The following EPHA7 variants were observed in gnomAD, a reference collection of about 807,000 sequenced individuals.
The protein encoded by EPHA7 is ephrin type-A receptor 7.
EPHA7 carries 25 observed loss-of-function variants against 112.6 expected under a neutral mutation model. The ratio of observed to expected loss-of-function variants is 0.22; its 90% confidence interval spans 0.16 to 0.31. The LOEUF (loss-of-function observed/expected upper bound fraction) is 0.31, where lower values mean the gene tolerates loss of function less well. Ranked by LOEUF, EPHA7 falls within the 10% of genes least tolerant of loss-of-function variation. The probability of loss-of-function intolerance (pLI) is 1.00; values close to 1 mark genes in which losing one functional copy is unlikely to be tolerated. For missense variants in EPHA7, 962 were observed against 1,212.6 expected, an observed-to-expected ratio of 0.79 and a Z score of 3.07; for synonymous variants, 437 against 406.5, an observed-to-expected ratio of 1.07 and a Z score of -0.90.
intron 14 of EPHA7, among the ~76,000 whole-genome samples, chr6:93,251,435 TA>T (rs1437044117): frequency 6.6e-6 from 1 of 151,834 alleles, no homozygotes; most frequent in African/African-American, 2.4e-5. Flanking sequence ...ATTAACAATT[TA>T]CTGGCCTAGT....
intron 3 of EPHA7, 62 bp from the exon 4 acceptor site, chr6:93,358,473 TTGTA>T: frequency 7.2e-7 from 1 of 1,384,006 alleles, no homozygotes; most frequent in East Asian, 2.4e-5. Context: ...TAAAAAAAAA[TTGTA>T]TTATTTAGCA....
At chr6:93,394,534 T>G (rs562928960) in intron 3 of EPHA7, among the ~76,000 whole-genome samples, 27 of 151,738 alleles carry the variant, frequency 1.8e-4, no homozygotes, top group Non-Finnish European at 3.7e-4. Flanking sequence ...AGGAGGAAAC[T>G]ATGTAAGATC....
At chr6:93,340,910 T>A (rs964108894) in intron 5 of EPHA7, among the ~76,000 whole-genome samples, 1 of 151,900 alleles carries the variant, frequency 6.6e-6, no homozygotes. Flanking sequence ...GCCATCACAA[T>A]CTATGGCCTT....
intron 9 of EPHA7, 47 bp from the exon 10 acceptor site, chr6:93,259,526 T>C: frequency 1.2e-6 from 2 of 1,604,388 alleles, no homozygotes; most frequent in Non-Finnish European, 1.7e-6. Context: ...AAAGCACTTA[T>C]TGTGCAGTCA....
At chr6:93,312,523 A>T (rs536250418) in intron 5 of EPHA7, among the ~76,000 whole-genome samples, 1 of 152,160 alleles carries the variant, frequency 6.6e-6, no homozygotes, top group Admixed American at 6.5e-5. Context: ...TCTTGATTAT[A>T]TTTTGGACTA....
At chr6:93,387,633 C>A (rs1426509651) in intron 3 of EPHA7, among the ~76,000 whole-genome samples, 3 of 152,076 alleles carry the variant, frequency 2.0e-5, no homozygotes, top group Admixed American at 6.6e-5. Flanking sequence ...AATTCACTCA[C>A]AATTACGCAT....
At chr6:93,358,226 A>T (rs764276608) in intron 4 of EPHA7, 30 bp downstream of exon 4, 1 of 1,554,794 alleles carries the variant, frequency 6.4e-7, no homozygotes, top group South Asian at 1.2e-5. Flanking sequence ...AAGGGATTGG[A>T]AAGTCCTTTA....
chr6:93,358,113 T>G, intron 4 of EPHA7, 143 bp downstream of exon 4: 4 of 590,706 alleles, frequency 6.8e-6, no homozygotes, highest in Non-Finnish European at 9.4e-6. Flanking sequence ...AAAGAAAATT[T>G]TATCTTAATA....
intron 5 of EPHA7, 143 bp from the exon 6 acceptor site, chr6:93,272,565 T>G: frequency 1.1e-6 from 1 of 916,556 alleles, no homozygotes; most frequent in Non-Finnish European, 1.6e-6. Flanking sequence ...ATTCAGAAGC[T>G]AATGAATATT....
intron 6 of EPHA7, among the ~76,000 whole-genome samples, chr6:93,271,506 CA>C (rs1771216103): frequency 6.6e-6 from 1 of 151,784 alleles, no homozygotes; most frequent in Non-Finnish European, 1.5e-5. Context: ...CAATGGTTTC[CA>C]CGTTTCAAAC....
intron 5 of EPHA7, among the ~76,000 whole-genome samples, chr6:93,294,273 A>G (rs913003848): frequency 1.3e-5 from 2 of 152,192 alleles, no homozygotes; most frequent in Non-Finnish European, 2.9e-5. Flanking sequence ...TGAATAGAAT[A>G]TACTAAAATA....
At chr6:93,295,973 T>A (rs1772640886) in intron 5 of EPHA7, among the ~76,000 whole-genome samples, 1 of 151,834 alleles carries the variant, frequency 6.6e-6, no homozygotes, top group African/African-American at 2.4e-5. Context: ...GGAAGTTATA[T>A]CATATTCATA....
chr6:93,247,099 C>T, intron 14 of EPHA7, 114 bp from the exon 15 acceptor site: 1 of 948,362 alleles, frequency 1.1e-6, no homozygotes. Context: ...CAATGCTTCA[C>T]AAAAGACTTA....
At chr6:93,367,996 A>G (rs1271613946) in intron 3 of EPHA7, among the ~76,000 whole-genome samples, 4 of 152,144 alleles carry the variant, frequency 2.6e-5, no homozygotes, top group Non-Finnish European at 5.9e-5. Context: ...CCCAGTATTC[A>G]TTCCTCGACC....
intron 5 of EPHA7, among the ~76,000 whole-genome samples, chr6:93,294,858 A>G (rs973467009): frequency 1.3e-5 from 2 of 152,094 alleles, no homozygotes; most frequent in Admixed American, 1.3e-4. Context: ...TTGCTTGTAT[A>G]TATTTTACTG....
chr6:93,385,946 T>G (rs1777580752), intron 3 of EPHA7, among the ~76,000 whole-genome samples: 1 of 152,076 alleles, frequency 6.6e-6, no homozygotes, highest in African/African-American at 2.4e-5. Context: ...TCAAGGAAAC[T>G]CCTTATAAAA....
chr6:93,373,993 T>C (rs185124170), intron 3 of EPHA7, among the ~76,000 whole-genome samples: 1 of 152,222 alleles, frequency 6.6e-6, no homozygotes, highest in Admixed American at 6.5e-5. Context: ...TAAAAATGTA[T>C]AACATGTCAG....
intron 5 of EPHA7, among the ~76,000 whole-genome samples, chr6:93,328,952 T>C (rs965784384): frequency 2.6e-5 from 4 of 151,448 alleles, no homozygotes; most frequent in African/African-American, 9.7e-5. Flanking sequence ...CAAGTCAAGG[T>C]CACATTTTGC....
intron 5 of EPHA7, among the ~76,000 whole-genome samples, chr6:93,289,037 G>T (rs1772217212): frequency 6.6e-6 from 1 of 152,098 alleles, no homozygotes; most frequent in Admixed American, 6.6e-5. Context: ...CTGTTTAAAT[G>T]AATGAATAAC....
Sources: allele counts gnomAD v4.1 joint callset (sites outside exome capture counted in the v4.1 genomes callset), GRCh38; gene constraint gnomAD v4.1.1; transcripts MANE v1.5; gene names NCBI Gene and HGNC (gene_info 2026-07-23, HGNC 2026-07-21).